TEKT5: variants seen among roughly 807,000 people sequenced by gnomAD.
The protein encoded by TEKT5 is tektin 5, also known as tektin-5.
In TEKT5, 52 loss-of-function variants were observed where a neutral mutation model predicts 48.7. The ratio of observed to expected loss-of-function variants is 1.07; its 90% CI spans 0.86 to 1.35. The LOEUF is 1.35. TEKT5 is among the 40% of genes most tolerant of loss of function. The pLI is 0.00. For missense variants in TEKT5, 831 were observed against 641.6 expected (o/e 1.30, Z -3.19); for synonymous variants, 318 against 267.6 (o/e 1.19, Z -1.84).
chr16:10,645,079 T>G (rs142458097), intron 5 of TEKT5, among the ~76,000 whole-genome samples: 1,896 of 152,312 alleles, frequency 0.012, 22 homozygotes, highest in Non-Finnish European at 0.021. Flanking sequence ...GACCTTGGAC[T>G]TTTAGCCTCC....
chr16:10,689,829 C>G lies in TEKT5; in HGVS notation c.648+113G>C, dbSNP rs113163975. 4.1e-5 allele frequency: 42 copies of G among 1,029,364 alleles called. No individual in the cohort carries two copies. In the African/African-American group the frequency reaches 4.9e-4, roughly 12 times the overall value. 63.8% of individuals were successfully genotyped at this position (1,029,364 alleles called of 1,614,324 possible). On this transcript the variant is annotated intron_variant, in intron 2 of 6. Coordinates refer to ENST00000283025, the MANE Select transcript of TEKT5 (RefSeq NM_144674.2). ...CCCATGCTTCCTGAGCCCTCACTTT[C>G]CACACAGTGACACGTGTGGCTTCTG...
In TEKT5 at chr16:10,627,513, T is replaced by C. The variant is rs563854370; in HGVS notation, c.*70A>G. 4.9e-4 allele frequency: 749 copies of C among 1,517,672 alleles called. No individual in the cohort carries two copies. The highest frequency in any genetic ancestry group is 6.4e-4 in the Non-Finnish European group (709 of 1,100,272). The allele number at this position is 1,517,672 out of a possible 1,614,324, so 94.0% of individuals were successfully genotyped here. A position where few individuals can be genotyped will look rare whatever the true frequency, so the allele number is the denominator to read the frequency against. On this transcript the variant is annotated 3_prime_UTR_variant, in exon 7 of 7. Transcript: ENST00000283025. ...AGAAAGTCGGCCCTTTCAAACAAAATACTGTTTTACTTTGTTTCTCAGCCT... is the reference window on the plus strand; with the variant it reads ...AGAAAGTCGGCCCTTTCAAACAAAACACTGTTTTACTTTGTTTCTCAGCCT...
At position 10,635,935 on chromosome 16, in the gene TEKT5, A is replaced by G; in HGVS notation, c.1087-17T>C. Reference sequence around the variant, plus strand: ...CTGCAGCGTCTGCGAGGGAACACACAGGTGTCACCACCCACCAGGCCCTTC... The same window carrying G: ...CTGCAGCGTCTGCGAGGGAACACACGGGTGTCACCACCCACCAGGCCCTTC... On this transcript the variant is annotated splice_polypyrimidine_tract_variant and intron_variant, in intron 5 of 6. Coordinates refer to ENST00000283025, the MANE Select transcript of TEKT5 (RefSeq NM_144674.2). 6 of 1,611,966 alleles carry G rather than the reference A, an allele frequency of 3.7e-6. No individual in the cohort carries two copies. Among genetic ancestry groups the G allele is most frequent in the Non-Finnish European group, 5.1e-6 (6 of 1,179,514 alleles).
At chr16:10,677,216 T>G (rs1364031473) in intron 4 of TEKT5, among the ~76,000 whole-genome samples, 2 of 95,728 alleles carry the variant, frequency 2.1e-5, no homozygotes, top group East Asian at 3.6e-4. Context: ...AGCAGGAGGA[T>G]GAAAGAGACA....
chr16:10,643,138 T>C (rs1898019059), intron 5 of TEKT5, among the ~76,000 whole-genome samples: 1 of 152,042 alleles, frequency 6.6e-6, no homozygotes, highest in Admixed American at 6.5e-5. Flanking sequence ...CCCAGCACTT[T>C]GGGATGCCGA....
chr16:10,685,346 C>A (rs535603584), intron 3 of TEKT5, among the ~76,000 whole-genome samples: 1 of 152,162 alleles, frequency 6.6e-6, no homozygotes, highest in African/African-American at 2.4e-5. Context: ...GTGGCCCGGA[C>A]TGGAGTGCAG....
intron 2 of TEKT5, 30 bp from the exon 3 acceptor site, chr16:10,689,353 G>C (rs1436079362): frequency 1.5e-5 from 23 of 1,580,578 alleles, no homozygotes; most frequent in Non-Finnish European, 1.9e-5. Context: ...AAAGAGCAGT[G>C]CCTCTTAGAA....
At chr16:10,630,350 C>T (rs1361153777) in intron 6 of TEKT5, among the ~76,000 whole-genome samples, 1 of 152,008 alleles carries the variant, frequency 6.6e-6, no homozygotes, top group African/African-American at 2.4e-5. Context: ...ATCCTCCTGT[C>T]TCAGCCTCCC....
chr16:10,681,586 TG>T (rs1236034717), intron 4 of TEKT5, among the ~76,000 whole-genome samples: 4 of 148,432 alleles, frequency 2.7e-5, no homozygotes, highest in African/African-American at 9.8e-5. Flanking sequence ...GGTTGTCACT[TG>T]TTTCGGAATT....
At chr16:10,669,307 A>AC (rs1469538305) in intron 5 of TEKT5, among the ~76,000 whole-genome samples, 2 of 151,886 alleles carry the variant, frequency 1.3e-5, no homozygotes, top group African/African-American at 4.8e-5. Flanking sequence ...ATACAAAAAA[A>AC]AAATAGCTGG....
intron 3 of TEKT5, 135 bp downstream of exon 3, chr16:10,689,118 G>A (rs1596421778): frequency 1.7e-6 from 1 of 593,506 alleles, no homozygotes; most frequent in Non-Finnish European, 2.8e-6. Flanking sequence ...GCTGGTTGTT[G>A]AACATTTACC....
At chr16:10,660,661 CTGTGTGTGTGTGTGTGTGTGTG>C (rs4028826) in intron 5 of TEKT5, among the ~76,000 whole-genome samples, 2 of 144,304 alleles carry the variant, frequency 1.4e-5, no homozygotes, top group African/African-American at 2.7e-5. Context: ...GAGTGCAAGG[CTGTGTGTGTGTGTGTGTGTGTG>C]TGTGTGTGTG....
At chr16:10,683,040 C>T (rs556314045) in intron 3 of TEKT5, among the ~76,000 whole-genome samples, 42 of 152,162 alleles carry the variant, frequency 2.8e-4, no homozygotes, top group African/African-American at 9.9e-4. Context: ...TATATATGTA[C>T]AGAACAGAAT....
chr16:10,659,009 T>A (rs1231206083), intron 5 of TEKT5, among the ~76,000 whole-genome samples: 2 of 152,224 alleles, frequency 1.3e-5, no homozygotes, highest in Non-Finnish European at 1.5e-5. Context: ...TGAGCCACGG[T>A]GCCCAGTCTG....
intron 5 of TEKT5, among the ~76,000 whole-genome samples, chr16:10,638,267 G>A (rs955701780): frequency 6.6e-6 from 1 of 152,020 alleles, no homozygotes; most frequent in Non-Finnish European, 1.5e-5. Flanking sequence ...ACAAACACCC[G>A]GAACTGAGAC....
intron 5 of TEKT5, among the ~76,000 whole-genome samples, chr16:10,655,366 C>G (rs929054200): frequency 3.3e-5 from 5 of 152,044 alleles, no homozygotes; most frequent in Non-Finnish European, 2.9e-5. Flanking sequence ...CACTACTTAC[C>G]CCCTATTCAA....
chr16:10,674,500 T>G (rs1898607338), intron 5 of TEKT5, among the ~76,000 whole-genome samples: 1 of 150,544 alleles, frequency 6.6e-6, no homozygotes, highest in Non-Finnish European at 1.5e-5. Flanking sequence ...CCAGGTGTGG[T>G]GGCACGCACA....
chr16:10,689,435 A>C (rs974045429), intron 2 of TEKT5, 112 bp from the exon 3 acceptor site: 1 of 909,216 alleles, frequency 1.1e-6, no homozygotes, highest in Admixed American at 2.3e-5. Context: ...CCTCGACCCC[A>C]GGAGGTGAAA....
At chr16:10,666,030 G>C (rs985535242) in intron 5 of TEKT5, among the ~76,000 whole-genome samples, 3 of 152,146 alleles carry the variant, frequency 2.0e-5, no homozygotes, top group African/African-American at 7.2e-5. Flanking sequence ...GTGGACCTCG[G>C]AGTTTGAGAC....
Sources: gnomAD v4.1 joint callset for allele counts (sites outside exome capture counted in the v4.1 genomes callset) on GRCh38, gnomAD v4.1.1 for gene constraint, MANE v1.5 for transcripts, NCBI Gene and HGNC (gene_info 2026-07-23, HGNC 2026-07-21) for gene names.